The following SHB variants were observed in gnomAD, a reference collection of about 807,000 sequenced individuals.
SHB encodes SH2 domain containing adaptor protein B.
A neutral mutation model predicts 52.3 loss-of-function variants in SHB; 20 were observed. That is an observed-to-expected ratio of 0.38 (90% CI 0.27 to 0.56). SHB has a LOEUF of 0.56. Ranked by LOEUF, SHB falls within the 20% of genes least tolerant of loss-of-function variation. The pLI, the probability that SHB is intolerant of heterozygous loss-of-function variation, is 0.71. For synonymous variants in SHB, 397 were observed against 316.5 expected, an observed-to-expected ratio of 1.25 and a Z score of -2.70; for missense variants, 825 against 723.3, an observed-to-expected ratio of 1.14 and a Z score of -1.61.
chr9:37,942,208 T>C (rs1203867778), intron 5 of SHB, among the ~76,000 whole-genome samples: 3 of 152,122 alleles, frequency 2.0e-5, no homozygotes, highest in African/African-American at 7.2e-5. Flanking sequence ...AAAGACTGAG[T>C]ACCCAGCAGT....
intron 1 of SHB, among the ~76,000 whole-genome samples, chr9:38,067,575 AG>A (rs1164657121): frequency 6.6e-6 from 1 of 152,146 alleles, no homozygotes; most frequent in Non-Finnish European, 1.5e-5. Context: ...GGCTGGGATA[AG>A]GGGTGTCAGG....
In SHB at chr9:37,973,213, G is replaced by A. The variant is rs78504445; in HGVS notation, c.1054+1409C>T. Among the ~76,000 whole-genome samples, 236 of 152,226 alleles carry A rather than the reference G, an allele frequency of 1.6e-3. 5 individuals are homozygous for A. The East Asian group carries it at 0.037, about 24-fold the overall frequency. ...TCTCCATTTTCCATGATTATAAACA[G>A]TGCCTTTTCCGAATTTTTTTATTTT... is the stretch of plus-strand genomic sequence containing the variant. On this transcript the variant is annotated intron_variant, in intron 3 of 5. Transcript: ENST00000377707.
chr9:37,994,713 G>A (rs530107822), intron 2 of SHB, among the ~76,000 whole-genome samples: 44 of 152,360 alleles, frequency 2.9e-4, no homozygotes, highest in Non-Finnish European at 2.2e-4. Flanking sequence ...CATAGAGTGC[G>A]CAGACACACA....
intron 1 of SHB, among the ~76,000 whole-genome samples, chr9:38,025,254 CACTG>C (rs1821327732): frequency 6.6e-6 from 1 of 152,166 alleles, no homozygotes; most frequent in Admixed American, 6.5e-5. Context: ...CCCATGGAGC[CACTG>C]ACTTAGCCGC....
chr9:38,020,241 T>C (rs1282243851), intron 1 of SHB, among the ~76,000 whole-genome samples: 1 of 152,250 alleles, frequency 6.6e-6, no homozygotes, highest in Non-Finnish European at 1.5e-5. Context: ...TTCCACAGGC[T>C]ATTTTTGGTA....
intron 1 of SHB, among the ~76,000 whole-genome samples, chr9:38,042,824 C>T (rs1050053809): frequency 1.3e-5 from 2 of 152,178 alleles, no homozygotes; most frequent in East Asian, 1.9e-4. Context: ...ACCAAATGTC[C>T]GCCCCAGGCC....
intron 2 of SHB, among the ~76,000 whole-genome samples, chr9:37,985,215 C>T (rs1327425804): frequency 6.6e-6 from 1 of 152,232 alleles, no homozygotes; most frequent in Non-Finnish European, 1.5e-5. Context: ...CTTTTATGCT[C>T]AGCCTGAGGG....
At chr9:38,021,153 C>T (rs4878738) in intron 1 of SHB, among the ~76,000 whole-genome samples, 44,090 of 151,648 alleles carry the variant, frequency 0.29, 6,577 homozygotes, top group Middle Eastern at 0.4. Flanking sequence ...GCCCGACCAA[C>T]GTGGAGAAAC....
chr9:37,981,625 A>G (rs1216196300), intron 2 of SHB, among the ~76,000 whole-genome samples: 2 of 152,102 alleles, frequency 1.3e-5, no homozygotes, highest in East Asian at 1.9e-4. Context: ...CAAGAAGCCT[A>G]CCTTTTGGCA....
At chr9:37,928,906 G>A (rs1832280949) in intron 5 of SHB, among the ~76,000 whole-genome samples, 2 of 152,270 alleles carry the variant, frequency 1.3e-5, no homozygotes, top group African/African-American at 2.4e-5. Flanking sequence ...AGACTCCAGA[G>A]CAGGACCATG....
intron 1 of SHB, among the ~76,000 whole-genome samples, chr9:38,043,138 G>T (rs1018172452): frequency 6.6e-6 from 1 of 152,122 alleles, no homozygotes; most frequent in Non-Finnish European, 1.5e-5. Flanking sequence ...CAAGTAGCCT[G>T]CCCAGATTAC....
chr9:37,958,859 G>C (rs1285454314), intron 3 of SHB, among the ~76,000 whole-genome samples: 1 of 152,140 alleles, frequency 6.6e-6, no homozygotes, highest in Non-Finnish European at 1.5e-5. Context: ...GTCTTGGACA[G>C]GGGGTTGGGA....
intron 1 of SHB, 32 bp downstream of exon 1, chr9:38,067,897 G>T: frequency 7.0e-7 from 1 of 1,430,872 alleles, no homozygotes; most frequent in South Asian, 1.5e-5. Flanking sequence ...CGTGGCTCTG[G>T]AACCTCGGGA....
chr9:37,996,997 A>C (rs765381722), intron 2 of SHB, among the ~76,000 whole-genome samples: 1 of 152,176 alleles, frequency 6.6e-6, no homozygotes, highest in Non-Finnish European at 1.5e-5. Flanking sequence ...GAGGATTTCA[A>C]TGAGCTCAAT....
At chr9:38,010,953 C>G (rs1821132909) in intron 2 of SHB, among the ~76,000 whole-genome samples, 1 of 152,234 alleles carries the variant, frequency 6.6e-6, no homozygotes, top group Non-Finnish European at 1.5e-5. Context: ...AACAGGCCCT[C>G]TGTCCTCTAA....
intron 1 of SHB, among the ~76,000 whole-genome samples, chr9:38,059,047 TTCATGGCTCTATTC>T (rs550936483): frequency 1.3e-5 from 2 of 152,348 alleles, no homozygotes; most frequent in Admixed American, 1.3e-4. Context: ...ATCTGCTTTG[TTCATGGCTCTATTC>T]CCAGCACCTA....
At chr9:37,920,540 G>A (rs1832168707) in intron 5 of SHB, among the ~76,000 whole-genome samples, 1 of 152,192 alleles carries the variant, frequency 6.6e-6, no homozygotes, top group Non-Finnish European at 1.5e-5. Context: ...CTGGGAAGGG[G>A]CCACCCAGCC....
intron 2 of SHB, among the ~76,000 whole-genome samples, chr9:38,008,395 T>C (rs75491984): frequency 0.013 from 1,985 of 152,320 alleles, 42 homozygotes; most frequent in African/African-American, 0.045. Context: ...AGGAAAGTCA[T>C]CAGGTGACTA....
intron 1 of SHB, among the ~76,000 whole-genome samples, chr9:38,023,663 T>TC (rs1554705823): frequency 6.6e-6 from 1 of 152,144 alleles, no homozygotes; most frequent in Admixed American, 6.5e-5. Flanking sequence ...TGCCCTTTTT[T>TC]CCCCCCTTTC....
Sources: gnomAD v4.1 joint callset for allele counts (sites outside exome capture counted in the v4.1 genomes callset) on GRCh38, gnomAD v4.1.1 for gene constraint, MANE v1.5 for transcripts, NCBI Gene and HGNC (gene_info 2026-07-23, HGNC 2026-07-21) for gene names.